ARHGEF26: variants seen among roughly 807,000 people sequenced by gnomAD.
ARHGEF26 encodes Rho guanine nucleotide exchange factor (GEF) 26.
ARHGEF26 carries 59 observed loss-of-function variants against 89.4 expected under a neutral mutation model. The observed-to-expected ratio is 0.66, with a 90% CI of 0.54 to 0.82. The LOEUF is 0.82. Among genes scored for constraint, ARHGEF26 ranks in the 40% least tolerant of loss-of-function variants. The pLI is 0.00. For synonymous variants in ARHGEF26, 500 were observed against 428.4 expected (o/e 1.17, Z -2.06); for missense variants, 1,234 against 1,085.6 (o/e 1.14, Z -1.92).
intron 6 of ARHGEF26, among the ~76,000 whole-genome samples, chr3:154,162,669 C>T (rs1281060288): frequency 2.6e-5 from 4 of 151,884 alleles, no homozygotes; most frequent in African/African-American, 9.7e-5. Flanking sequence ...GGTGAATTGG[C>T]GTGTCTGTGG....
At chr3:154,158,955 A>C (rs1440389673) in intron 6 of ARHGEF26, among the ~76,000 whole-genome samples, 2 of 152,138 alleles carry the variant, frequency 1.3e-5, no homozygotes, top group Non-Finnish European at 2.9e-5. Context: ...TTTTAAATTT[A>C]AGATACATCC....
At chr3:154,175,680 C>T (rs1482827139) in intron 6 of ARHGEF26, among the ~76,000 whole-genome samples, 2 of 152,266 alleles carry the variant, frequency 1.3e-5, no homozygotes, top group East Asian at 3.9e-4. Flanking sequence ...TTTCAGAGAC[C>T]ACTTTCCAGG....
In ARHGEF26 at chr3:154,255,635, G is replaced by A. The variant is rs953734348; in HGVS notation, c.*162G>A. 4.9e-6 allele frequency: 7 copies of A among 1,435,104 alleles called. No homozygotes were observed. The African/African-American group carries it at 7.2e-5, about 15-fold the overall frequency. 88.9% of individuals were successfully genotyped at this position (1,435,104 alleles called of 1,614,324 possible). On this transcript the variant is annotated 3_prime_UTR_variant, in exon 15 of 15. Transcript: ENST00000465093. ...AGGTTGTTCTGCTCTCTCATGAGAAGAGCTTGGATACAGTGAGTTTGCACA... is the reference window on the plus strand; with the variant it reads ...AGGTTGTTCTGCTCTCTCATGAGAAAAGCTTGGATACAGTGAGTTTGCACA...
At chr3:154,254,980 A>G (rs1467948124) in intron 14 of ARHGEF26, among the ~76,000 whole-genome samples, 156 bp downstream of exon 14, 1 of 152,162 alleles carries the variant, frequency 6.6e-6, no homozygotes, top group East Asian at 1.9e-4. Context: ...CTCTAAGGCT[A>G]AACCATGACG....
At chr3:154,228,444 TTTTTTC>T (rs1405710483) in intron 11 of ARHGEF26, among the ~76,000 whole-genome samples, 3 of 151,418 alleles carry the variant, frequency 2.0e-5, no homozygotes, top group African/African-American at 7.3e-5. Context: ...GCCTTTTTTT[TTTTTTC>T]TTTTTCTTTT....
At chr3:154,185,693 T>A (rs898457876) in intron 6 of ARHGEF26, among the ~76,000 whole-genome samples, 1 of 152,158 alleles carries the variant, frequency 6.6e-6, no homozygotes, top group Non-Finnish European at 1.5e-5. Context: ...AAATCATTGT[T>A]CCTTGGCAAT....
chr3:154,257,663 C>CTT lies in ARHGEF26; in HGVS notation c.*2191_*2192dup, dbSNP rs1718605275. On this transcript the variant is annotated 3_prime_UTR_variant, in exon 15 of 15. Coordinates refer to ENST00000465093, the MANE Select transcript of ARHGEF26 (RefSeq NM_015595.4). ...TTGTTTGATTTCAACTGTGAATTGT[C>CTT]TTAAGTTTTTTCAAACCTAGTTGTT... The CTT allele has an allele frequency of 3.8e-5, 1 of 26,584 alleles. No individual in the cohort carries two copies. Among genetic ancestry groups the CTT allele is most frequent in the Non-Finnish European group, 5.7e-5 (1 of 17,534 alleles). The allele number at this position is 26,584 out of a possible 1,614,324, so 1.6% of individuals were successfully genotyped here.
chr3:154,154,840 A>C (rs1200948563), intron 6 of ARHGEF26, among the ~76,000 whole-genome samples: 3 of 151,980 alleles, frequency 2.0e-5, no homozygotes, highest in African/African-American at 7.2e-5. Context: ...CTGTATGAGC[A>C]TTAGGATTAT....
At chr3:154,188,851 A>C (rs1393632802) in intron 7 of ARHGEF26, among the ~76,000 whole-genome samples, 1 of 152,170 alleles carries the variant, frequency 6.6e-6, no homozygotes, top group African/African-American at 2.4e-5. Flanking sequence ...GGTGGAAAAC[A>C]CACAGCTGCT....
chr3:154,229,674 A>C (rs991363665), intron 11 of ARHGEF26, among the ~76,000 whole-genome samples: 6 of 152,110 alleles, frequency 3.9e-5, no homozygotes, highest in Non-Finnish European at 8.8e-5. Flanking sequence ...GTTCGCTAGT[A>C]ACAGCCCCCT....
intron 4 of ARHGEF26, 148 bp downstream of exon 4, chr3:154,129,867 C>T: frequency 1.1e-5 from 10 of 952,094 alleles, no homozygotes; most frequent in Non-Finnish European, 1.5e-5. Context: ...TCTCGGAACT[C>T]TGCCCGCACT....
At chr3:154,188,595 C>G (rs1192365778) in intron 7 of ARHGEF26, among the ~76,000 whole-genome samples, 1 of 152,142 alleles carries the variant, frequency 6.6e-6, no homozygotes, top group African/African-American at 2.4e-5. Context: ...CTGCTGTAAA[C>G]CCAGTTTGGG....
chr3:154,241,154 A>G (rs928837495), intron 12 of ARHGEF26, among the ~76,000 whole-genome samples: 4 of 152,212 alleles, frequency 2.6e-5, no homozygotes, highest in Admixed American at 6.5e-5. Context: ...TAGTTCTCAC[A>G]TTGGATGAGT....
intron 6 of ARHGEF26, among the ~76,000 whole-genome samples, chr3:154,183,576 C>A (rs185070154): frequency 2.6e-5 from 4 of 152,246 alleles, no homozygotes; most frequent in Non-Finnish European, 2.9e-5. Flanking sequence ...GAAATACTTT[C>A]TTGATCTTTT....
intron 10 of ARHGEF26, among the ~76,000 whole-genome samples, chr3:154,225,286 C>T (rs1716414583): frequency 6.6e-6 from 1 of 152,068 alleles, no homozygotes; most frequent in African/African-American, 2.4e-5. Context: ...AAGCAAGCTA[C>T]CATGATCTTA....
chr3:154,252,996 C>T, intron 12 of ARHGEF26, 120 bp from the exon 13 acceptor site: 1 of 1,074,968 alleles, frequency 9.3e-7, no homozygotes, highest in East Asian at 2.5e-5. Context: ...CCTGTTTTAC[C>T]ATACCTCTCT....
rs12635528 is a variant in ARHGEF26 at position 154,176,140 on chromosome 3, C to T, written c.1488-11545C>T. 8.5e-5 allele frequency among the ~76,000 whole-genome samples: 13 copies of T among 152,286 alleles called. No individual in the cohort carries two copies. In the East Asian group the frequency reaches 1.7e-3, roughly 20 times the overall value. Reference sequence around the variant, plus strand: ...ATATCTTTCTCCATCCCTTTTAAACCGGAGACTATCACCCTGTGAAAGGAT... The same window carrying T: ...ATATCTTTCTCCATCCCTTTTAAACTGGAGACTATCACCCTGTGAAAGGAT... On this transcript the variant is annotated intron_variant, in intron 6 of 14. Coordinates refer to ENST00000465093, the MANE Select transcript of ARHGEF26 (RefSeq NM_015595.4).
intron 9 of ARHGEF26, among the ~76,000 whole-genome samples, chr3:154,216,678 T>C (rs1178945588): frequency 5.3e-5 from 4 of 74,832 alleles, no homozygotes; most frequent in African/African-American, 1.8e-4. Context: ...ATGCTATCCC[T>C]CCCCCCTTCC....
chr3:154,151,849 G>A (rs4574249), intron 5 of ARHGEF26, among the ~76,000 whole-genome samples: 1 of 152,046 alleles, frequency 6.6e-6, no homozygotes, highest in Non-Finnish European at 1.5e-5. Context: ...GACTTGAAGG[G>A]GTGGAGCCCT....
Sources: allele counts gnomAD v4.1 joint callset (sites outside exome capture counted in the v4.1 genomes callset), GRCh38; gene constraint gnomAD v4.1.1; transcripts MANE v1.5; gene names NCBI Gene and HGNC (gene_info 2026-07-23, HGNC 2026-07-21).